The following KCTD8 variants were observed in gnomAD, a reference collection of about 807,000 sequenced individuals.
The protein encoded by KCTD8 is BTB/POZ domain-containing protein KCTD8.
In KCTD8, 27 loss-of-function variants were observed where a neutral mutation model predicts 31.5. That is an observed-to-expected ratio of 0.86 (90% CI 0.63 to 1.18). The LOEUF (loss-of-function observed/expected upper bound fraction) is 1.18, where lower values mean the gene tolerates loss of function less well. Among genes scored for constraint, KCTD8 ranks in the 50% most tolerant of loss-of-function variants. The pLI, the probability that KCTD8 is intolerant of heterozygous loss-of-function variation, is 0.00. For missense variants in KCTD8, 658 were observed against 647.7 expected (o/e 1.02, Z -0.17); for synonymous variants, 290 against 280.0 (o/e 1.04, Z -0.36).
intron 1 of KCTD8, among the ~76,000 whole-genome samples, chr4:44,385,814 G>C (rs1322066064): frequency 6.6e-6 from 1 of 151,514 alleles, no homozygotes; most frequent in Non-Finnish European, 1.5e-5. Context: ...CTGAAAAGGT[G>C]TTACTATCCA....
chr4:44,443,980 C>T (rs1243496233), intron 1 of KCTD8, among the ~76,000 whole-genome samples: 4 of 152,082 alleles, frequency 2.6e-5, no homozygotes, highest in Non-Finnish European at 5.9e-5. Flanking sequence ...AAAGGACAAT[C>T]CATCTTCAGT....
intron 1 of KCTD8, among the ~76,000 whole-genome samples, chr4:44,208,975 G>C (rs1714400232): frequency 6.6e-6 from 1 of 151,914 alleles, no homozygotes; most frequent in Admixed American, 6.6e-5. Context: ...GTTTATTAAG[G>C]GTCATTTGAT....
chr4:44,391,521 T>C (rs1403878824), intron 1 of KCTD8, among the ~76,000 whole-genome samples: 1 of 151,832 alleles, frequency 6.6e-6, no homozygotes, highest in Non-Finnish European at 1.5e-5. Context: ...GTCAATATTT[T>C]CTCTTTCTTA....
intron 1 of KCTD8, among the ~76,000 whole-genome samples, chr4:44,408,836 C>T (rs1720876380): frequency 1.3e-5 from 2 of 152,032 alleles, no homozygotes; most frequent in Admixed American, 1.3e-4. Context: ...CCAAGATGGT[C>T]TTGATATCCT....
chr4:44,273,303 G>T (rs1453835274), intron 1 of KCTD8, among the ~76,000 whole-genome samples: 1 of 151,910 alleles, frequency 6.6e-6, no homozygotes, highest in Non-Finnish European at 1.5e-5. Context: ...AATTTAAAAA[G>T]CTGCTCTCCC....
chr4:44,377,351 G>C (rs551889711), intron 1 of KCTD8, among the ~76,000 whole-genome samples: 11 of 152,124 alleles, frequency 7.2e-5, no homozygotes, highest in African/African-American at 2.4e-4. Context: ...CGCCCTTTCT[G>C]GGCCATATCT....
intron 1 of KCTD8, among the ~76,000 whole-genome samples, chr4:44,389,884 T>C (rs1246227442): frequency 6.6e-6 from 1 of 151,986 alleles, no homozygotes; most frequent in African/African-American, 2.4e-5. Flanking sequence ...TCCCTGATCA[T>C]TAGTGATGTT....
intron 1 of KCTD8, among the ~76,000 whole-genome samples, chr4:44,443,677 C>T (rs1389404700): frequency 6.6e-6 from 1 of 152,166 alleles, no homozygotes; most frequent in African/African-American, 2.4e-5. Flanking sequence ...ACACATACTG[C>T]TCAACCAAAA....
At chr4:44,191,253 T>C (rs942507155) in intron 1 of KCTD8, among the ~76,000 whole-genome samples, 3 of 152,232 alleles carry the variant, frequency 2.0e-5, no homozygotes. Context: ...AATCCTGTTA[T>C]CTTTGTAAGC....
intron 1 of KCTD8, among the ~76,000 whole-genome samples, chr4:44,207,269 T>C (rs544799878): frequency 3.9e-5 from 6 of 152,340 alleles, no homozygotes; most frequent in African/African-American, 1.4e-4. Context: ...TGAAGTTATA[T>C]GAATGTTAAA....
At chr4:44,357,899 TATTATA>T (rs1357487658) in intron 1 of KCTD8, among the ~76,000 whole-genome samples, 3 of 151,498 alleles carry the variant, frequency 2.0e-5, no homozygotes, top group African/African-American at 7.3e-5. Context: ...TTATTATTAT[TATTATA>T]ATTATTATTA....
chr4:44,238,331 G>GTC (rs764064009), intron 1 of KCTD8, among the ~76,000 whole-genome samples: 5 of 151,840 alleles, frequency 3.3e-5, no homozygotes, highest in African/African-American at 1.2e-4. Context: ...CTCTCTTTCT[G>GTC]TCTCTCTCTC....
intron 1 of KCTD8, among the ~76,000 whole-genome samples, chr4:44,322,871 C>A (rs1045157575): frequency 6.6e-6 from 1 of 151,892 alleles, no homozygotes; most frequent in Non-Finnish European, 1.5e-5. Flanking sequence ...GTTATTGGTG[C>A]CTTTGGTAAA....
At chr4:44,295,072 C>A (rs969162237) in intron 1 of KCTD8, among the ~76,000 whole-genome samples, 1 of 152,002 alleles carries the variant, frequency 6.6e-6, no homozygotes, top group African/African-American at 2.4e-5. Flanking sequence ...GCAGGGGGAT[C>A]CCTTGAGCCC....
intron 1 of KCTD8, among the ~76,000 whole-genome samples, chr4:44,437,628 C>T (rs554102033): frequency 6.6e-6 from 1 of 152,150 alleles, no homozygotes; most frequent in East Asian, 1.9e-4. Context: ...ATACTCAACA[C>T]ATTTTTAACA....
Position 44,318,344 on chromosome 4 carries a change from T to A in KCTD8, c.961+129219A>T, listed in dbSNP as rs190486296. 1.8e-4 allele frequency among the ~76,000 whole-genome samples: 27 copies of A among 152,280 alleles called. No homozygotes were observed. The East Asian group carries it at 5.0e-3, about 28-fold the overall frequency. ...CTTCTAGGTTCAAGCAATCCTCCTGTCCCAGCCTTCTAAGTAGCTGAGACT... is the reference window on the plus strand; with the variant it reads ...CTTCTAGGTTCAAGCAATCCTCCTGACCCAGCCTTCTAAGTAGCTGAGACT... On this transcript the variant is annotated intron_variant, in intron 1 of 1. Coordinates refer to ENST00000360029, the MANE Select transcript of KCTD8 (RefSeq NM_198353.3).
At chr4:44,280,609 G>C (rs1357082454) in intron 1 of KCTD8, among the ~76,000 whole-genome samples, 1 of 152,054 alleles carries the variant, frequency 6.6e-6, no homozygotes, top group Non-Finnish European at 1.5e-5. Context: ...CTATCACAGC[G>C]AATCAAATTG....
intron 1 of KCTD8, among the ~76,000 whole-genome samples, chr4:44,334,237 A>G (rs972100306): frequency 6.6e-6 from 1 of 152,078 alleles, no homozygotes; most frequent in Non-Finnish European, 1.5e-5. Context: ...AGTTACTATG[A>G]TACAGCAAAG....
chr4:44,344,311 G>C (rs557474385), intron 1 of KCTD8, among the ~76,000 whole-genome samples: 2 of 152,008 alleles, frequency 1.3e-5, no homozygotes, highest in South Asian at 2.1e-4. Context: ...CAGCCTCCCA[G>C]GTAGCTAAAA....
Sources: allele counts gnomAD v4.1 joint callset (sites outside exome capture counted in the v4.1 genomes callset), GRCh38; gene constraint gnomAD v4.1.1; transcripts MANE v1.5; gene names NCBI Gene and HGNC (gene_info 2026-07-23, HGNC 2026-07-21).